KCNIP4: variants seen among roughly 807,000 people sequenced by gnomAD.
KCNIP4 encodes potassium voltage-gated channel interacting protein 4.
Under a neutral mutation model 34.0 loss-of-function variants are expected in KCNIP4, and 12 were observed. The observed-to-expected ratio is 0.35, with a 90% CI of 0.23 to 0.57. The LOEUF is 0.57. KCNIP4 is among the 20% of genes least tolerant of loss of function. KCNIP4 has a pLI of 0.83. For missense variants in KCNIP4, 238 were observed against 311.7 expected (o/e 0.76, Z 1.78); for synonymous variants, 124 against 102.2 (o/e 1.21, Z -1.29).
At chr4:21,180,741 A>G (rs1754780562) in intron 1 of KCNIP4, among the ~76,000 whole-genome samples, 1 of 150,612 alleles carries the variant, frequency 6.6e-6, no homozygotes, top group South Asian at 2.1e-4. Flanking sequence ...GTATTTGTGT[A>G]TATATATTTG....
chr4:21,118,940 G>A (rs910316683), intron 1 of KCNIP4, among the ~76,000 whole-genome samples: 10 of 152,154 alleles, frequency 6.6e-5, no homozygotes, highest in Admixed American at 2.0e-4. Flanking sequence ...GAATGAAATC[G>A]TGAATTCAGT....
intron 1 of KCNIP4, among the ~76,000 whole-genome samples, chr4:21,671,540 C>A (rs1399386938): frequency 2.0e-5 from 3 of 152,174 alleles, no homozygotes; most frequent in Non-Finnish European, 4.4e-5. Context: ...CTTACATTAT[C>A]TCTGCTTCAC....
chr4:21,091,749 A>G (rs149827618), intron 1 of KCNIP4, among the ~76,000 whole-genome samples: 169 of 152,270 alleles, frequency 1.1e-3, no homozygotes, highest in African/African-American at 3.9e-3. Flanking sequence ...ATATCCTCAC[A>G]TGAGGAAAGA....
intron 3 of KCNIP4, among the ~76,000 whole-genome samples, chr4:20,760,901 G>A (rs146954404): frequency 6.2e-4 from 94 of 152,254 alleles, no homozygotes; most frequent in African/African-American, 2.2e-3. Context: ...AACTTCTCTG[G>A]GCCATAGTGT....
intron 3 of KCNIP4, among the ~76,000 whole-genome samples, chr4:20,799,676 G>A (rs559549283): frequency 1.4e-4 from 21 of 152,248 alleles, no homozygotes; most frequent in South Asian, 8.3e-4. Context: ...CTGTACCCAG[G>A]CTCACAGAGC....
intron 3 of KCNIP4, among the ~76,000 whole-genome samples, chr4:20,843,725 G>A (rs536773450): frequency 1.8e-4 from 27 of 152,198 alleles, no homozygotes; most frequent in African/African-American, 6.0e-4. Context: ...GCGAGACTCC[G>A]TCTCAAGAAA....
At chr4:20,988,562 T>C (rs1340789943) in intron 1 of KCNIP4, among the ~76,000 whole-genome samples, 1 of 152,200 alleles carries the variant, frequency 6.6e-6, no homozygotes, top group Non-Finnish European at 1.5e-5. Flanking sequence ...TTATAATAAA[T>C]GCAAAAATAA....
chr4:20,965,344 C>G (rs375628029), intron 1 of KCNIP4, among the ~76,000 whole-genome samples: 5 of 152,086 alleles, frequency 3.3e-5, no homozygotes, highest in Non-Finnish European at 7.4e-5. Flanking sequence ...TGACTGAAGA[C>G]CATGGCACCA....
intron 1 of KCNIP4, among the ~76,000 whole-genome samples, chr4:21,465,037 G>T (rs1481745046): frequency 6.6e-6 from 1 of 151,980 alleles, no homozygotes; most frequent in Non-Finnish European, 1.5e-5. Flanking sequence ...GATTGTTGGG[G>T]GATTACTGGC....
At chr4:21,913,346 G>GTT (rs1017526720) in intron 1 of KCNIP4, among the ~76,000 whole-genome samples, 2 of 141,724 alleles carry the variant, frequency 1.4e-5, no homozygotes, top group African/African-American at 5.2e-5. Flanking sequence ...TTTGTATTTT[G>GTT]TTTTTTTTTT....
intron 1 of KCNIP4, among the ~76,000 whole-genome samples, chr4:21,200,686 C>G (rs996478568): frequency 6.6e-6 from 1 of 151,592 alleles, no homozygotes; most frequent in Admixed American, 6.6e-5. Context: ...CTATTGGGTA[C>G]GAGGTAGGCT....
intron 1 of KCNIP4, among the ~76,000 whole-genome samples, chr4:21,203,244 C>T (rs1334563715): frequency 1.3e-5 from 2 of 152,056 alleles, no homozygotes; most frequent in Non-Finnish European, 2.9e-5. Flanking sequence ...TCACCTTGGC[C>T]CTGTGGGGAA....
At chr4:21,620,023 T>C (rs993109227) in intron 1 of KCNIP4, among the ~76,000 whole-genome samples, 22 of 152,192 alleles carry the variant, frequency 1.4e-4, no homozygotes, top group Admixed American at 1.2e-3. Flanking sequence ...TACTCAATGT[T>C]TTGTGGAAGA....
At chr4:21,432,374 A>G (rs1420121484) in intron 1 of KCNIP4, among the ~76,000 whole-genome samples, 1 of 151,786 alleles carries the variant, frequency 6.6e-6, no homozygotes, top group Non-Finnish European at 1.5e-5. Flanking sequence ...AAAGCACCTC[A>G]ATTTAGCAAA....
intron 1 of KCNIP4, among the ~76,000 whole-genome samples, chr4:21,648,919 C>T (rs73800265): frequency 0.02 from 3,014 of 152,152 alleles, 115 homozygotes; most frequent in African/African-American, 0.068. Flanking sequence ...ATACTCCTGT[C>T]CCTCCTGTTT....
rs1553847667 is a variant in KCNIP4 at position 21,257,762 on chromosome 4, A to AAAG, written c.62-375054_62-375053insCTT. On this transcript the variant is annotated intron_variant, in intron 1 of 8. Transcript: ENST00000382152. Reference sequence around the variant, plus strand: ...AAGACTCAGTCTCAAAAAAAAAAAAAAAAGAAAGAAAGAAAAAGAAACACC... The same window carrying AAAG: ...AAGACTCAGTCTCAAAAAAAAAAAAAAAGAAAGAAAGAAAGAAAAAGAAACACC... Among the ~76,000 whole-genome samples, 300 of 106,580 alleles carry AAAG rather than the reference A, an allele frequency of 2.8e-3. 2 individuals carry two copies. Among genetic ancestry groups the AAAG allele is most frequent in the South Asian group, 6.3e-3 (20 of 3,190 alleles). The allele number at this position is 106,580 out of a possible 152,430, so 69.9% of individuals were successfully genotyped here. A position where few individuals can be genotyped will look rare whatever the true frequency, so the allele number is the denominator to read the frequency against.
intron 3 of KCNIP4, 40 bp from the exon 4 acceptor site, chr4:20,758,930 C>CAT: frequency 6.4e-7 from 1 of 1,554,666 alleles, no homozygotes; most frequent in Non-Finnish European, 8.9e-7. Flanking sequence ...GCAAAGTGTT[C>CAT]ATAAAACTGA....
chr4:20,864,797 A>G (rs1470650825), intron 2 of KCNIP4, among the ~76,000 whole-genome samples: 1 of 152,070 alleles, frequency 6.6e-6, no homozygotes, highest in East Asian at 1.9e-4. Context: ...TAAATCAAAA[A>G]CCATTAGGCA....
chr4:21,765,752 C>T (rs1718364971), intron 1 of KCNIP4, among the ~76,000 whole-genome samples: 1 of 149,224 alleles, frequency 6.7e-6, no homozygotes, highest in Non-Finnish European at 1.5e-5. Context: ...AGATGCAAGC[C>T]ACCTGCCTGG....
Sources: gnomAD v4.1 joint callset for allele counts (sites outside exome capture counted in the v4.1 genomes callset) on GRCh38, gnomAD v4.1.1 for gene constraint, MANE v1.5 for transcripts, NCBI Gene and HGNC (gene_info 2026-07-23, HGNC 2026-07-21) for gene names.